DDX42: variants seen among roughly 807,000 people sequenced by gnomAD.
DDX42 encodes DEAD-box helicase 42.
Under a neutral mutation model 101.5 loss-of-function variants are expected in DDX42, and 22 were observed. The observed-to-expected ratio is 0.22, with a 90% CI of 0.15 to 0.31. The LOEUF (loss-of-function observed/expected upper bound fraction) is 0.31, where lower values mean the gene tolerates loss of function less well. Ranked by LOEUF, DDX42 falls within the 10% of genes least tolerant of loss-of-function variation. The probability of loss-of-function intolerance (pLI) is 1.00; values close to 1 mark genes in which losing one functional copy is unlikely to be tolerated. For synonymous variants in DDX42, 402 were observed against 401.2 expected (o/e 1.00, Z -0.02); for missense variants, 849 against 1,199.9 (o/e 0.71, Z 4.32).
chr17:63,802,803 G>A (rs939106745), intron 6 of DDX42, among the ~76,000 whole-genome samples: 8 of 152,024 alleles, frequency 5.3e-5, no homozygotes, highest in African/African-American at 9.7e-5. Context: ...CCAGCTACTC[G>A]GGAGAGTGAG....
chr17:63,809,733 G>A, intron 11 of DDX42, 74 bp downstream of exon 11: 1 of 1,241,942 alleles, frequency 8.1e-7, no homozygotes. Flanking sequence ...TTTCTAGACT[G>A]TTTTTTCAGC....
intron 8 of DDX42, among the ~76,000 whole-genome samples, chr17:63,807,092 A>T (rs996468629): frequency 1.3e-5 from 2 of 152,166 alleles, no homozygotes; most frequent in South Asian, 2.1e-4. Flanking sequence ...GAAAATTTTT[A>T]AAATTTTAGC....
Position 63,818,425 on chromosome 17 carries a change from G to C in DDX42, c.*27G>C, listed in dbSNP as rs201182179. 1.0e-5 allele frequency: 16 copies of C among 1,588,960 alleles called. No individual in the cohort carries two copies. The East Asian group carries it at 3.6e-4, about 36-fold the overall frequency. ...GGGGATGTGCTAAAGCGTGAAATCA[G>C]TTGTCCTTAATTTTTAGAAAGATTT... On this transcript the variant is annotated 3_prime_UTR_variant, in exon 18 of 18. Coordinates refer to ENST00000389924, the MANE Select transcript of DDX42 (RefSeq NM_203499.3).
intron 15 of DDX42, among the ~76,000 whole-genome samples, chr17:63,814,092 G>T (rs115337800): frequency 0.011 from 1,714 of 152,120 alleles, 26 homozygotes; most frequent in African/African-American, 0.04. Context: ...CGCCCGCCTC[G>T]GCCTCAACCT....
At chr17:63,795,230 C>T (rs2039679075) in intron 3 of DDX42, among the ~76,000 whole-genome samples, 1 of 152,206 alleles carries the variant, frequency 6.6e-6, no homozygotes, top group Non-Finnish European at 1.5e-5. Flanking sequence ...TATTGCTGAG[C>T]AAATGGCTGC....
intron 14 of DDX42, among the ~76,000 whole-genome samples, chr17:63,812,547 T>C (rs751961429): frequency 2.2e-4 from 33 of 152,382 alleles, no homozygotes; most frequent in Admixed American, 1.5e-3. Context: ...GTTGGGCAAC[T>C]TAACTCAGGA....
chr17:63,795,887 C>T (rs2144554588), intron 3 of DDX42, among the ~76,000 whole-genome samples: 1 of 152,292 alleles, frequency 6.6e-6, no homozygotes, highest in Admixed American at 6.5e-5. Context: ...ATTCCTTATG[C>T]AGTATCATTC....
chr17:63,808,797 A>T (rs1472766249), intron 9 of DDX42, 23 bp from the exon 10 acceptor site: 6 of 1,612,706 alleles, frequency 3.7e-6, no homozygotes, highest in Non-Finnish European at 5.1e-6. Flanking sequence ...CAGTTTGTTA[A>T]TATATTATTC....
chr17:63,793,872 ATATATAT>A (rs2039659311), intron 3 of DDX42, among the ~76,000 whole-genome samples: 3 of 148,548 alleles, frequency 2.0e-5, no homozygotes, highest in Admixed American at 6.7e-5. Flanking sequence ...ATATATATAT[ATATATAT>A]AATTTTTTAA....
intron 16 of DDX42, 86 bp from the exon 17 acceptor site, chr17:63,816,782 C>T: frequency 2.0e-6 from 2 of 992,864 alleles, no homozygotes; most frequent in South Asian, 1.8e-5. Flanking sequence ...GCTCCCACTT[C>T]AAGGGTTTTC....
chr17:63,799,452 G>A (rs774213515), intron 4 of DDX42, 137 bp from the exon 5 acceptor site: 15 of 826,172 alleles, frequency 1.8e-5, no homozygotes, highest in Non-Finnish European at 2.9e-5. Flanking sequence ...AGTTTATAGT[G>A]TGCTCATTGC....
At chr17:63,796,483 A>G (rs2039694075) in intron 3 of DDX42, among the ~76,000 whole-genome samples, 1 of 152,218 alleles carries the variant, frequency 6.6e-6, no homozygotes, top group Middle Eastern at 3.4e-3. Flanking sequence ...TGCTTGGCTA[A>G]TTTTGTATTT....
At chr17:63,814,793 A>G (rs1277860390) in intron 15 of DDX42, among the ~76,000 whole-genome samples, 1 of 148,892 alleles carries the variant, frequency 6.7e-6, no homozygotes, top group African/African-American at 2.5e-5. Flanking sequence ...CGGTTCAAAC[A>G]GTTCTCCTGC....
At chr17:63,811,772 A>T (rs1034178622) in intron 13 of DDX42, 160 bp from the exon 14 acceptor site, 7 of 827,434 alleles carry the variant, frequency 8.5e-6, no homozygotes, top group Non-Finnish European at 1.2e-5. Context: ...ATTGGAAAGG[A>T]GAGGTGAGTT....
intron 1 of DDX42, among the ~76,000 whole-genome samples, chr17:63,780,284 G>A (rs2039471341): frequency 2.1e-5 from 3 of 139,830 alleles, no homozygotes; most frequent in South Asian, 4.7e-4. Flanking sequence ...CAACAAGAGC[G>A]AAACTGTCTC....
At chr17:63,775,751 C>T (rs542298781) in intron 1 of DDX42, among the ~76,000 whole-genome samples, 3 of 152,036 alleles carry the variant, frequency 2.0e-5, no homozygotes, top group South Asian at 4.2e-4. Context: ...AGGGAGTGAG[C>T]GGAACAACCA....
Position 63,812,048 on chromosome 17 carries a change from T to C in DDX42, c.1515T>C (p.Val505=). ...CTTCAGGGAGTGTCCTCCTCTTTGT[T>C]ACTAAAAAAGCCAATGCTGAAGAGC... ...FTSSGSVLLF[V]TKKANAEELA... The change falls in exon 14 of 18, where the codon GTT becomes GTC. Residue 505 remains valine, a synonymous_variant. Coordinates refer to ENST00000389924, the MANE Select transcript of DDX42 (RefSeq NM_203499.3). 2 of 1,614,194 alleles carry C rather than the reference T, an allele frequency of 1.2e-6. No individual in the cohort carries two copies. The highest frequency in any genetic ancestry group is 1.7e-6 in the Non-Finnish European group (2 of 1,180,036).
intron 1 of DDX42, among the ~76,000 whole-genome samples, chr17:63,782,683 A>C (rs2039502932): frequency 6.6e-6 from 1 of 152,150 alleles, no homozygotes; most frequent in African/African-American, 2.4e-5. Context: ...CCTTTCCCAC[A>C]GGTGCTTTCT....
chr17:63,792,266 A>G, intron 2 of DDX42, 146 bp from the exon 3 acceptor site: 1 of 773,406 alleles, frequency 1.3e-6, no homozygotes, highest in Admixed American at 3.3e-5. Context: ...TAATTAGGTC[A>G]TTAGCCAAAG....
Sources: allele counts gnomAD v4.1 joint callset (sites outside exome capture counted in the v4.1 genomes callset), GRCh38; gene constraint gnomAD v4.1.1; transcripts MANE v1.5; gene names NCBI Gene and HGNC (gene_info 2026-07-23, HGNC 2026-07-21).